Variants in BTBD9 observed in about 807,000 individuals in gnomAD.
BTBD9 encodes BTB domain containing 9.
In BTBD9, 49 loss-of-function variants were observed where a neutral mutation model predicts 64.3. That is an observed-to-expected ratio of 0.76 (90% CI 0.61 to 0.97). The LOEUF (loss-of-function observed/expected upper bound fraction) is 0.97. Among genes scored for constraint, BTBD9 ranks in the 50% least tolerant of loss-of-function variants. The pLI, the probability that BTBD9 is intolerant of heterozygous loss-of-function variation, is 0.00. For missense variants in BTBD9, 598 were observed against 762.1 expected (o/e 0.78, Z 2.53); for synonymous variants, 260 against 274.7 (o/e 0.95, Z 0.53).
chr6:38,335,133 G>A (rs1763843705), intron 7 of BTBD9, among the ~76,000 whole-genome samples: 2 of 152,098 alleles, frequency 1.3e-5, no homozygotes, highest in Admixed American at 1.3e-4. Context: ...TTTGCCTTCT[G>A]CCATGAATGT....
chr6:38,590,047 G>A (rs1776725776), intron 4 of BTBD9, among the ~76,000 whole-genome samples: 2 of 152,076 alleles, frequency 1.3e-5, no homozygotes, highest in Non-Finnish European at 2.9e-5. Flanking sequence ...TTTCCTATTA[G>A]ACATTTCTCC....
chr6:38,491,764 T>A (rs1004646175), intron 6 of BTBD9, among the ~76,000 whole-genome samples: 3 of 152,012 alleles, frequency 2.0e-5, no homozygotes, highest in African/African-American at 7.2e-5. Flanking sequence ...GAAAAACAAA[T>A]CCTGAGTCTT....
At chr6:38,591,555 A>G (rs1046506406) in intron 4 of BTBD9, among the ~76,000 whole-genome samples, 3 of 152,244 alleles carry the variant, frequency 2.0e-5, no homozygotes, top group African/African-American at 7.2e-5. Context: ...AGCATAGTTT[A>G]GTGGTTAATT....
At chr6:38,297,872 G>A (rs1385858528) in intron 7 of BTBD9, among the ~76,000 whole-genome samples, 2 of 139,200 alleles carry the variant, frequency 1.4e-5, no homozygotes, top group Admixed American at 7.7e-5. Flanking sequence ...ATGGAGTCTC[G>A]CTCTGTCGCC....
At chr6:38,366,759 A>G (rs79345823) in intron 6 of BTBD9, among the ~76,000 whole-genome samples, 3,645 of 152,334 alleles carry the variant, frequency 0.024, 162 homozygotes, top group African/African-American at 0.083. Flanking sequence ...TTTTGGAAGA[A>G]TAAGAAAGGG....
chr6:38,315,518 C>A lies in BTBD9; in HGVS notation c.1265-27057G>T, dbSNP rs188110669. ...TTTTGGTATGTTGTGTTTCCATTAT[C>A]ATTTGTTTCAAAAATATTTTCAATT... is the stretch of plus-strand genomic sequence containing the variant. On this transcript the variant is annotated intron_variant, in intron 7 of 10. Transcript: ENST00000481247. 6.2e-4 allele frequency among the ~76,000 whole-genome samples: 94 copies of A among 151,826 alleles called. 1 individual carries two copies. The highest frequency in any genetic ancestry group is 5.0e-3 in the Admixed American group (77 of 15,258).
intron 6 of BTBD9, among the ~76,000 whole-genome samples, chr6:38,435,623 T>TCCCTCCCTCCCCCCA (rs1768687108): frequency 1.8e-5 from 1 of 54,166 alleles, no homozygotes; most frequent in Admixed American, 3.0e-4. Context: ...TCCCTCCCCC[T>TCCCTCCCTCCCCCCA]CCCTCCCTTC....
chr6:38,354,200 T>G (rs1268421168), intron 6 of BTBD9, among the ~76,000 whole-genome samples: 1 of 151,462 alleles, frequency 6.6e-6, no homozygotes, highest in South Asian at 2.1e-4. Context: ...ACCAAGAGAG[T>G]GATAAAGAGA....
intron 7 of BTBD9, among the ~76,000 whole-genome samples, chr6:38,323,091 C>T (rs1315825536): frequency 1.3e-5 from 2 of 152,166 alleles, no homozygotes; most frequent in Non-Finnish European, 2.9e-5. Context: ...CAAAGCTTAT[C>T]GAAGTAGTTT....
chr6:38,580,045 T>C (rs574433851), intron 5 of BTBD9, among the ~76,000 whole-genome samples, 173 bp downstream of exon 5: 3 of 152,268 alleles, frequency 2.0e-5, no homozygotes, highest in Non-Finnish European at 2.9e-5. Context: ...CAAAAAAGTG[T>C]ATTTCTTTTA....
chr6:38,557,897 G>C (rs938196556), intron 6 of BTBD9, among the ~76,000 whole-genome samples: 1 of 152,158 alleles, frequency 6.6e-6, no homozygotes, highest in Non-Finnish European at 1.5e-5. Flanking sequence ...CTGATTTTGA[G>C]ATCTTAGAGA....
At chr6:38,224,010 C>T (rs1245637584) in intron 9 of BTBD9, among the ~76,000 whole-genome samples, 1 of 152,188 alleles carries the variant, frequency 6.6e-6, no homozygotes. Context: ...GCCAGGAGTT[C>T]AAGACCAGCC....
intron 6 of BTBD9, among the ~76,000 whole-genome samples, chr6:38,433,537 G>GC (rs1164507129): frequency 6.6e-6 from 1 of 150,954 alleles, no homozygotes; most frequent in Non-Finnish European, 1.5e-5. Context: ...TGTGACCCCC[G>GC]CCCCTGCCTG....
At chr6:38,227,419 CA>C (rs1159812502) in intron 9 of BTBD9, among the ~76,000 whole-genome samples, 1 of 152,132 alleles carries the variant, frequency 6.6e-6, no homozygotes, top group Non-Finnish European at 1.5e-5. Context: ...ATGAACCTCT[CA>C]AAAATAGGAG....
intron 9 of BTBD9, among the ~76,000 whole-genome samples, chr6:38,195,793 C>T (rs556176679): frequency 6.6e-6 from 1 of 152,206 alleles, no homozygotes; most frequent in Admixed American, 6.5e-5. Context: ...TTCCCATGCA[C>T]ACATGTGCAG....
intron 6 of BTBD9, among the ~76,000 whole-genome samples, chr6:38,525,314 T>C (rs1469014656): frequency 3.9e-5 from 6 of 152,216 alleles, no homozygotes. Context: ...TCTGCCATGA[T>C]TGTAAGTTTC....
chr6:38,207,108 G>C (rs1004163994), intron 9 of BTBD9, among the ~76,000 whole-genome samples: 4 of 152,204 alleles, frequency 2.6e-5, no homozygotes, highest in Non-Finnish European at 4.4e-5. Flanking sequence ...CATTTGAACA[G>C]CAAGAGAGCC....
At chr6:38,260,995 A>G (rs1299818766) in intron 8 of BTBD9, among the ~76,000 whole-genome samples, 3 of 152,064 alleles carry the variant, frequency 2.0e-5, no homozygotes, top group Non-Finnish European at 4.4e-5. Flanking sequence ...TGCAGAATGC[A>G]GTGGCACAAT....
chr6:38,525,567 G>A (rs183143250), intron 6 of BTBD9, among the ~76,000 whole-genome samples: 1 of 152,336 alleles, frequency 6.6e-6, no homozygotes, highest in African/African-American at 2.4e-5. Context: ...ATGAAGTTTG[G>A]AACTTCCTAG....
Sources: gnomAD v4.1 joint callset for allele counts (sites outside exome capture counted in the v4.1 genomes callset) on GRCh38, gnomAD v4.1.1 for gene constraint, MANE v1.5 for transcripts, NCBI Gene and HGNC (gene_info 2026-07-23, HGNC 2026-07-21) for gene names.